AFF1: variants seen among roughly 807,000 people sequenced by gnomAD.
AFF1 encodes AF4/FMR2 family member 1.
AFF1 carries 48 observed loss-of-function variants against 121.7 expected under a neutral mutation model. That is an observed-to-expected ratio of 0.39 (90% CI 0.31 to 0.50). The LOEUF is 0.50. Among genes scored for constraint, AFF1 ranks in the 20% least tolerant of loss-of-function variants. AFF1 has a pLI of 0.76. For synonymous variants in AFF1, 613 were observed against 563.0 expected (o/e 1.09, Z -1.26); for missense variants, 1,523 against 1,511.7 (o/e 1.01, Z -0.12).
chr4:87,045,735 C>T (rs571527159), intron 2 of AFF1, among the ~76,000 whole-genome samples: 15 of 152,056 alleles, frequency 9.9e-5, no homozygotes, highest in African/African-American at 3.4e-4. Flanking sequence ...TCAAAATGTA[C>T]GCTACTGATC....
intron 12 of AFF1, among the ~76,000 whole-genome samples, chr4:87,124,229 TC>T (rs2149788040): frequency 6.6e-6 from 1 of 152,356 alleles, no homozygotes; most frequent in South Asian, 2.1e-4. Context: ...AATTCTTTTT[TC>T]TTTTTTTTAA....
intron 12 of AFF1, among the ~76,000 whole-genome samples, chr4:87,123,431 G>A (rs1433860644): frequency 2.0e-5 from 3 of 152,170 alleles, no homozygotes; most frequent in African/African-American, 7.2e-5. Flanking sequence ...ATAGCCTCCC[G>A]AGGGTACGAG....
In AFF1 at chr4:87,131,785, TC is replaced by T; in HGVS notation, c.3102-6del. 6.3e-7 allele frequency: 1 copy of T among 1,585,978 alleles called. No individual in the cohort carries two copies. Reference sequence around the variant, plus strand: ...TAAAACCTGATGTACTTTTATATTTTCCTATAGATTCATAATGTCATTAAAA... The same window carrying T: ...TAAAACCTGATGTACTTTTATATTTTCTATAGATTCATAATGTCATTAAAA... On this transcript the variant is annotated splice_region_variant and splice_polypyrimidine_tract_variant and intron_variant, in intron 17 of 20. Coordinates refer to ENST00000395146, the MANE Select transcript of AFF1 (RefSeq NM_001166693.3).
At chr4:87,018,890 A>C (rs151065572) in intron 2 of AFF1, among the ~76,000 whole-genome samples, 168 of 152,368 alleles carry the variant, frequency 1.1e-3, no homozygotes, top group African/African-American at 3.9e-3. Context: ...GGGAGCCATC[A>C]AATAAGGGAT....
At chr4:87,059,377 A>G (rs1249230908) in intron 4 of AFF1, among the ~76,000 whole-genome samples, 1 of 152,114 alleles carries the variant, frequency 6.6e-6, no homozygotes, top group Non-Finnish European at 1.5e-5. Flanking sequence ...TTTCTGTCAT[A>G]TACTCCATTG....
chr4:86,940,441 G>C (rs1720368928), intron 1 of AFF1, among the ~76,000 whole-genome samples: 1 of 152,158 alleles, frequency 6.6e-6, no homozygotes, highest in Admixed American at 6.5e-5. Context: ...TCACTCTGTT[G>C]CCCAGGCTGG....
At chr4:87,109,424 T>C (rs1235491798) in intron 11 of AFF1, among the ~76,000 whole-genome samples, 2 of 152,198 alleles carry the variant, frequency 1.3e-5, no homozygotes, top group Non-Finnish European at 2.9e-5. Flanking sequence ...TGGACAGACA[T>C]GCATCAGTAT....
chr4:87,110,663 C>T (rs1477302443), intron 11 of AFF1, among the ~76,000 whole-genome samples: 1 of 151,934 alleles, frequency 6.6e-6, no homozygotes, highest in African/African-American at 2.4e-5. Context: ...ACTCATATTC[C>T]CCATAGCTAT....
intron 1 of AFF1, among the ~76,000 whole-genome samples, chr4:86,944,341 G>GC (rs1720689184): frequency 6.7e-6 from 1 of 150,356 alleles, no homozygotes; most frequent in Non-Finnish European, 1.5e-5. Context: ...TGATGAGAAA[G>GC]CTGAGGCCTT....
intron 2 of AFF1, among the ~76,000 whole-genome samples, chr4:86,952,069 ATG>A (rs1330094281): frequency 6.6e-6 from 1 of 151,624 alleles, no homozygotes; most frequent in Non-Finnish European, 1.5e-5. Context: ...TGCTCCATTG[ATG>A]TGTCTTTTGG....
chr4:87,039,895 TA>T (rs1207298530), intron 2 of AFF1, among the ~76,000 whole-genome samples: 4 of 150,674 alleles, frequency 2.7e-5, no homozygotes, highest in Non-Finnish European at 4.4e-5. Flanking sequence ...ACACAGTTTT[TA>T]TATTTATTTA....
intron 11 of AFF1, among the ~76,000 whole-genome samples, chr4:87,114,042 C>G (rs992979299): frequency 6.6e-5 from 10 of 152,096 alleles, no homozygotes; most frequent in African/African-American, 1.9e-4. Flanking sequence ...TAGAGTAGTT[C>G]ACAAAACAAA....
intron 15 of AFF1, 86 bp downstream of exon 15, chr4:87,127,203 C>G (rs1657956765): frequency 2.5e-6 from 3 of 1,183,250 alleles, no homozygotes; most frequent in South Asian, 1.2e-5. Context: ...CTCTGTCACC[C>G]AGGCTGGAGT....
At chr4:87,077,069 A>C (rs114218845) in intron 4 of AFF1, among the ~76,000 whole-genome samples, 1,868 of 152,330 alleles carry the variant, frequency 0.012, 40 homozygotes, top group African/African-American at 0.041. Flanking sequence ...TTTCTTCCTC[A>C]AAACAACCCT....
chr4:87,022,673 T>TATATAGCTGTGTGTATAG (rs1728121283), intron 2 of AFF1, among the ~76,000 whole-genome samples: 2 of 147,066 alleles, frequency 1.4e-5, no homozygotes, highest in Non-Finnish European at 3.0e-5. Context: ...TGTGTGTATA[T>TATATAGCTGTGTGTATAG]ATATGTGTGT....
chr4:87,135,026 G>T (rs1729182744), intron 20 of AFF1, among the ~76,000 whole-genome samples: 1 of 152,174 alleles, frequency 6.6e-6, no homozygotes, highest in African/African-American at 2.4e-5. Context: ...AGGAGCCACT[G>T]GCTGTTCCTA....
chr4:87,079,894 T>C (rs1184539116), intron 4 of AFF1, among the ~76,000 whole-genome samples: 1 of 152,212 alleles, frequency 6.6e-6, no homozygotes, highest in Non-Finnish European at 1.5e-5. Context: ...ATCTTACAGT[T>C]GATGGGTACA....
intron 12 of AFF1, among the ~76,000 whole-genome samples, chr4:87,115,669 G>T (rs1199916236): frequency 6.9e-6 from 1 of 144,218 alleles, no homozygotes; most frequent in African/African-American, 2.6e-5. Context: ...GAGTGCAGTG[G>T]TGCGATCTTG....
intron 5 of AFF1, among the ~76,000 whole-genome samples, chr4:87,084,557 T>TAAATA (rs1723511836): frequency 2.8e-5 from 1 of 36,362 alleles, no homozygotes; most frequent in African/African-American, 1.2e-4. Flanking sequence ...CTCCAATAAA[T>TAAATA]AAATAAATAA....
Sources: gnomAD v4.1 joint callset for allele counts (sites outside exome capture counted in the v4.1 genomes callset) on GRCh38, gnomAD v4.1.1 for gene constraint, MANE v1.5 for transcripts, NCBI Gene and HGNC (gene_info 2026-07-23, HGNC 2026-07-21) for gene names.